Variants in ATG16L1 observed in about 807,000 individuals in gnomAD.
ATG16L1 encodes autophagy related 16 like 1.
A neutral mutation model predicts 88.5 loss-of-function variants in ATG16L1; 37 were observed. The ratio of observed to expected loss-of-function variants is 0.42; its 90% CI spans 0.32 to 0.55. ATG16L1 has a LOEUF of 0.55. Among genes scored for constraint, ATG16L1 ranks in the 20% least tolerant of loss-of-function variants. The probability of loss-of-function intolerance (pLI) is 0.13; values close to 1 mark genes in which losing one functional copy is unlikely to be tolerated. For synonymous variants in ATG16L1, 301 were observed against 281.0 expected (o/e 1.07, Z -0.71); for missense variants, 554 against 752.8 (o/e 0.74, Z 3.09).
chr2:233,295,389 C>T lies in ATG16L1; in HGVS notation c.*1039C>T, dbSNP rs1166922586. 1.3e-5 allele frequency: 2 copies of T among 152,728 alleles called. No individual in the cohort carries two copies. The highest frequency in any genetic ancestry group is 1.5e-5 in the Non-Finnish European group (1 of 68,038). 9.5% of individuals were successfully genotyped at this position (152,728 alleles called of 1,614,324 possible). ...CCTTTTTATCACTTTTAAATTTGCA[C>T]TTTATTTTTTTTCTTCCATGCTTGT... On this transcript the variant is annotated 3_prime_UTR_variant, in exon 18 of 18. Transcript: ENST00000392017.
Position 233,292,419 on chromosome 2 carries a change from C to T in ATG16L1, c.1613C>T (p.Thr538Ile). 1 of 1,612,824 alleles carries T rather than the reference C, an allele frequency of 6.2e-7. No homozygotes were observed. The highest frequency in any genetic ancestry group is 8.5e-7 in the Non-Finnish European group (1 of 1,179,964). Residue 538 changes from threonine (T) to isoleucine (I), a missense_variant, in exon 16 of 18, where the codon ACC becomes ATC. Physicochemically the swap from Thr to Ile is moderately conservative, Grantham distance 89. Coordinates refer to ENST00000392017, the MANE Select transcript of ATG16L1 (RefSeq NM_030803.7). ...APGFKCGSDW[T>I]RVVFSPDGSY... ...GGGTTCAAGTGCGGCTCTGACTGGA[C>T]CAGAGTTGTCTTCAGGTTAGTAGTG...
chr2:233,289,895 G>A lies in ATG16L1; in HGVS notation c.1245G>A (p.Lys415=). The A allele has an allele frequency of 6.2e-7, 1 of 1,614,210 alleles. No homozygotes were observed. ...ACAGTGGGAAAGTGCTGTCTGCTAA[G>A]TTCCTGCTGGACAATGCGCGGATTG... The part of the protein sequence containing the change: ...TGHSGKVLSA[K]FLLDNARIVS... The change falls in exon 13 of 18, where the codon AAG becomes AAA. Residue 415 remains lysine, a synonymous_variant. Coordinates refer to ENST00000392017, the MANE Select transcript of ATG16L1 (RefSeq NM_030803.7).
chr2:233,292,144 C>G lies in ATG16L1; in HGVS notation c.1447C>G (p.Arg483Gly), dbSNP rs1365653356. 4 of 1,614,016 alleles carry G rather than the reference C, an allele frequency of 2.5e-6. No individual in the cohort carries two copies. The highest frequency in any genetic ancestry group is 1.3e-5 in the African/African-American group (1 of 74,910). ...CCCTCTTAGATCAGAGAGCATAGTT[C>G]GAGAGATGGAGCTGTTGGGAAAGAT... is the stretch of plus-strand genomic sequence containing the variant. Reference protein sequence around the residue: ...FWDIRSESIVREMELLGKITA... With the variant: ...FWDIRSESIVGEMELLGKITA... The change falls in exon 15 of 18, where the codon CGA becomes GGA. Residue 483 changes from arginine (R) to glycine (G), a missense_variant. By Grantham distance (125) the Arg-to-Gly change is moderately radical. Around this residue, in one of 5 missense-constraint regions of ATG16L1, gnomAD observed 370 missense variants for 509.7 expected, o/e 0.73. Transcript: ENST00000392017.
chr2:233,256,356 G>GT (rs1478501742), intron 2 of ATG16L1, among the ~76,000 whole-genome samples, 161 bp downstream of exon 2: 2 of 152,154 alleles, frequency 1.3e-5, no homozygotes, highest in African/African-American at 2.4e-5. Context: ...AATTACAATT[G>GT]TTTTTTAGAA....
At chr2:233,285,845 A>G (rs1395137541) in intron 12 of ATG16L1, among the ~76,000 whole-genome samples, 2 of 152,150 alleles carry the variant, frequency 1.3e-5, no homozygotes, top group Non-Finnish European at 2.9e-5. Context: ...TCTTACGACA[A>G]GGGAATGGTG....
intron 9 of ATG16L1, 107 bp from the exon 10 acceptor site, chr2:233,277,461 C>G (rs978751442): frequency 2.0e-6 from 2 of 993,130 alleles, no homozygotes; most frequent in Non-Finnish European, 3.1e-6. Context: ...CTCCACCTGT[C>G]TTTAAGGATG....
intron 9 of ATG16L1, chr2:233,276,069 G>C (rs1574876469): frequency 2.2e-6 from 1 of 455,712 alleles, no homozygotes; most frequent in East Asian, 5.9e-5. Flanking sequence ...TTGGTCACCT[G>C]TCATACTTTT....
At chr2:233,257,687 T>A (rs1285556478) in intron 2 of ATG16L1, among the ~76,000 whole-genome samples, 5 of 152,186 alleles carry the variant, frequency 3.3e-5, no homozygotes, top group Non-Finnish European at 7.3e-5. Context: ...TAAGCTCTTA[T>A]TTTTCTTTAA....
rs1326548121 is a variant in ATG16L1, at chr2:233,292,436, TTAG to T, written c.1628+7_1628+9del. On this transcript the variant is annotated splice_donor_5th_base_variant and intron_variant, in intron 16 of 17. Transcript: ENST00000392017. ...TGACTGGACCAGAGTTGTCTTCAGGTTAGTAGTGACCCACCCCCCGCCAATTTG... is the reference window on the plus strand; with the variant it reads ...TGACTGGACCAGAGTTGTCTTCAGGTTAGTGACCCACCCCCCGCCAATTTG... 1 of 1,612,348 alleles carries T rather than the reference TTAG, an allele frequency of 6.2e-7. No individual in the cohort carries two copies. Among genetic ancestry groups the T allele is most frequent in the Non-Finnish European group, 8.5e-7 (1 of 1,179,936 alleles).
At position 233,274,395 on chromosome 2, in the gene ATG16L1, C is replaced by T. The variant is rs552981406; in HGVS notation, c.852-281C>T. ...AGAAAGTTTCCCAGCAGCTTATTGACTGGGTAAGCAGTTGTTCAGGATTGC... is the reference window on the plus strand; with the variant it reads ...AGAAAGTTTCCCAGCAGCTTATTGATTGGGTAAGCAGTTGTTCAGGATTGC... On this transcript the variant is annotated intron_variant, in intron 8 of 17. Coordinates refer to ENST00000392017, the MANE Select transcript of ATG16L1 (RefSeq NM_030803.7). The T allele has an allele frequency of 2.7e-4, 118 of 430,408 alleles. 1 individual carries two copies. The highest frequency in any genetic ancestry group is 6.2e-5 in the Non-Finnish European group (15 of 240,700). 26.7% of individuals were successfully genotyped at this position (430,408 alleles called of 1,614,324 possible). A position where few individuals can be genotyped will look rare whatever the true frequency, so the allele number is the denominator to read the frequency against.
Position 233,292,452 on chromosome 2 carries a change from C to T in ATG16L1, c.1628+18C>T. On this transcript the variant is annotated intron_variant, in intron 16 of 17. Transcript: ENST00000392017. ...GTCTTCAGGTTAGTAGTGACCCACC[C>T]CCCGCCAATTTGGTTCATCACAAAG... 6.2e-7 allele frequency: 1 copy of T among 1,612,118 alleles called. No individual in the cohort carries two copies. The highest frequency in any genetic ancestry group is 8.5e-7 in the Non-Finnish European group (1 of 1,179,872).
rs1274406469 is a variant in ATG16L1 at position 233,274,690 on chromosome 2, C to G, written c.866C>G (p.Ser289Cys). 1 of 1,609,930 alleles carries G rather than the reference C, an allele frequency of 6.2e-7. No individual in the cohort carries two copies. Residue 289 changes from serine to cysteine, a missense_variant, in exon 9 of 18, where the codon TCT becomes TGT. This residue lies in a region of ATG16L1 where 370 missense variants were observed against 509.7 expected (regional missense o/e 0.73). Coordinates refer to ENST00000392017, the MANE Select transcript of ATG16L1 (RefSeq NM_030803.7). ...TTATTTCTTAGGAGACGCTCTGTCT[C>G]TTCCTTCCCAGTCCCCCAGGACAAT... The part of the protein sequence containing the change: ...ITNIFGRRSV[S>C]SFPVPQDNVD...
At chr2:233,286,702 T>C (rs1481168615) in intron 12 of ATG16L1, among the ~76,000 whole-genome samples, 2 of 148,322 alleles carry the variant, frequency 1.3e-5, no homozygotes, top group East Asian at 2.0e-4. Flanking sequence ...CTCTGCTCGC[T>C]GCAAGCTCTG....
intron 9 of ATG16L1, 81 bp from the exon 10 acceptor site, chr2:233,277,487 A>G (rs1698450341): frequency 7.8e-7 from 1 of 1,290,314 alleles, no homozygotes; most frequent in East Asian, 2.4e-5. Flanking sequence ...TTCCCCATGA[A>G]TTAGGCATTT....
At position 233,292,204 on chromosome 2, in the gene ATG16L1, C is replaced by T. The variant is rs1699508169; in HGVS notation, c.1507C>T (p.Leu503Phe). Residue 503 changes from leucine to phenylalanine, a missense_variant, in exon 15 of 18, where the codon CTC (leucine) becomes TTC (phenylalanine). Leu to Phe is a conservative substitution (Grantham distance 22). Around this residue, in one of 5 missense-constraint regions of ATG16L1, gnomAD observed 370 missense variants for 509.7 expected, o/e 0.73. Coordinates refer to ENST00000392017, the MANE Select transcript of ATG16L1 (RefSeq NM_030803.7). ...GGACTTAAACCCAGAAAGGACTGAG[C>T]TCCTGAGCTGCTCCCGTGATGACTT... ...ALDLNPERTELLSCSRDDLLK... is the reference protein window; with the variant it reads ...ALDLNPERTEFLSCSRDDLLK... The T allele has an allele frequency of 6.2e-7, 1 of 1,614,134 alleles. No homozygotes were observed. Among genetic ancestry groups the T allele is most frequent in the Non-Finnish European group, 8.5e-7 (1 of 1,180,058 alleles).
intron 6 of ATG16L1, among the ~76,000 whole-genome samples, chr2:233,272,314 AT>A (rs1463796917): frequency 6.6e-6 from 1 of 152,246 alleles, no homozygotes; most frequent in African/African-American, 2.4e-5. Flanking sequence ...TGATTATGTC[AT>A]TTGAAGTGTG....
At chr2:233,270,290 A>C (rs1476428891) in intron 6 of ATG16L1, among the ~76,000 whole-genome samples, 4 of 152,220 alleles carry the variant, frequency 2.6e-5, no homozygotes, top group African/African-American at 7.2e-5. Context: ...AAATGAAAAC[A>C]TACAGTTCTT....
chr2:233,293,160 T>A (rs1699577045), intron 16 of ATG16L1, 96 bp from the exon 17 acceptor site: 3 of 1,076,608 alleles, frequency 2.8e-6, no homozygotes, highest in Non-Finnish European at 4.3e-6. Flanking sequence ...TGGTCATCAG[T>A]GAAGAACAAA....
At chr2:233,281,249 A>G in intron 11 of ATG16L1, 74 bp downstream of exon 11, 1 of 1,160,000 alleles carries the variant, frequency 8.6e-7, no homozygotes, top group South Asian at 1.5e-5. Flanking sequence ...AAATTATAAC[A>G]TAACTTACCC....
Sources: gnomAD v4.1 joint callset for allele counts (sites outside exome capture counted in the v4.1 genomes callset) on GRCh38, gnomAD v4.1.1 for gene constraint, gnomAD v4.1.1 regional missense constraint, MANE v1.5 for transcripts, NCBI Gene and HGNC (gene_info 2026-07-23, HGNC 2026-07-21) for gene names.